The following MMP17 variants were observed in gnomAD, a reference collection of about 807,000 sequenced individuals.
MMP17 encodes the protein matrix metallopeptidase 17.
MMP17 carries 54 observed loss-of-function variants against 49.1 expected under a neutral mutation model. That is an observed-to-expected ratio of 1.10 (90% CI 0.88 to 1.38). The LOEUF (loss-of-function observed/expected upper bound fraction) is 1.38. Ranked by LOEUF, MMP17 falls within the 40% of genes most tolerant of loss-of-function variation. The pLI is 0.00. For missense variants in MMP17, 837 were observed against 853.7 expected (o/e 0.98, Z 0.24); for synonymous variants, 397 against 383.1 (o/e 1.04, Z -0.42).
Position 131,849,885 on chromosome 12 carries a change from G to A in MMP17, c.1288G>A (p.Gly430Ser), listed in dbSNP as rs145624993. ...PVSDFSLPPGGIDAAFSWAHN... is the reference protein window; with the variant it reads ...PVSDFSLPPGSIDAAFSWAHN... ...CTCCGACTTCAGCCTCCCGCCTGGC[G>A]GCATCGACGCTGCCTTCTCCTGGGC... The change falls in exon 9 of 10, where the codon GGC becomes AGC. Residue 430 changes from glycine to serine, a missense_variant. Transcript: ENST00000360564. 981 of 1,614,030 alleles carry A rather than the reference G, an allele frequency of 6.1e-4. 1 individual carries two copies. Among genetic ancestry groups the A allele is most frequent in the Admixed American group, 2.4e-3 (144 of 60,024 alleles).
At chr12:131,839,649 A>G (rs1887281826) in intron 3 of MMP17, among the ~76,000 whole-genome samples, 1 of 151,780 alleles carries the variant, frequency 6.6e-6, no homozygotes, top group Admixed American at 6.6e-5. Flanking sequence ...AATTTTTTGT[A>G]TTTTTACTAG....
At chr12:131,830,156 C>T (rs1463236557) in intron 1 of MMP17, among the ~76,000 whole-genome samples, 1 of 152,262 alleles carries the variant, frequency 6.6e-6, no homozygotes, top group Non-Finnish European at 1.5e-5. Flanking sequence ...GGATGGACCC[C>T]CGGCCGAGCC....
chr12:131,834,183 CG>C (rs1247238451), intron 1 of MMP17, among the ~76,000 whole-genome samples: 2 of 152,182 alleles, frequency 1.3e-5, no homozygotes, highest in African/African-American at 4.8e-5. Context: ...AGCAGGAGAG[CG>C]GCCGCCTCTC....
At position 131,851,204 on chromosome 12, in the gene MMP17, C is replaced by T; in HGVS notation, c.1742C>T (p.Thr581Ile). Residue 581 changes from threonine (T) to isoleucine (I), a missense_variant, in exon 10 of 10, where the codon ACC becomes ATC. Thr to Ile is a moderately conservative substitution (Grantham distance 89). Coordinates refer to ENST00000360564, the MANE Select transcript of MMP17 (RefSeq NM_016155.7). ...PGAPGPLVAA[T>I]MLLLLPPLSP... is the part of the protein sequence containing the mutation. ...GCCCCAGGCCCACTGGTGGCTGCCA[C>T]CATGCTGCTGCTGCTGCCGCCACTG... The T allele has an allele frequency of 1.4e-6, 2 of 1,459,150 alleles. No homozygotes were observed. Among genetic ancestry groups the T allele is most frequent in the Non-Finnish European group, 1.8e-6 (2 of 1,103,356 alleles). The allele number at this position is 1,459,150 out of a possible 1,614,324, so 90.4% of individuals were successfully genotyped here.
In MMP17 at chr12:131,844,886, G is replaced by A. The variant is rs555685358; in HGVS notation, c.969-232G>A. On this transcript the variant is annotated intron_variant, in intron 6 of 9. Coordinates refer to ENST00000360564, the MANE Select transcript of MMP17 (RefSeq NM_016155.7). ...CCACCCCTGAGCTCCTGCCCTCCCC[G>A]CAGCTCCCTGGCGCTCTGTATGCTC... 1.9e-4 allele frequency: 106 copies of A among 543,730 alleles called. 2 individuals are homozygous for A. Among genetic ancestry groups the A allele is most frequent in the South Asian group, 1.4e-3 (65 of 47,544 alleles). 33.7% of individuals were successfully genotyped at this position (543,730 alleles called of 1,614,324 possible).
At chr12:131,831,801 C>A in intron 1 of MMP17, among the ~76,000 whole-genome samples, 1 of 102,328 alleles carries the variant, frequency 9.8e-6, no homozygotes, top group Non-Finnish European at 1.9e-5. Flanking sequence ...GGTTCAGGGA[C>A]AGGAAGGGGG....
At chr12:131,836,753 G>A (rs1260225144) in intron 1 of MMP17, among the ~76,000 whole-genome samples, 3 of 152,044 alleles carry the variant, frequency 2.0e-5, no homozygotes, top group Non-Finnish European at 4.4e-5. Context: ...TCTGGAGCCC[G>A]CCTCACCCCT....
Position 131,845,222 on chromosome 12 carries a change from C to T in MMP17, c.1051+22C>T, listed in dbSNP as rs373857133. Reference sequence around the variant, plus strand: ...AAAGGTACCTCCAGGGTTCCCGTGGCGGTTGGCTGAGGGCCATGGCCCACT... The same window carrying T: ...AAAGGTACCTCCAGGGTTCCCGTGGTGGTTGGCTGAGGGCCATGGCCCACT... On this transcript the variant is annotated intron_variant, in intron 7 of 9. Coordinates refer to ENST00000360564, the MANE Select transcript of MMP17 (RefSeq NM_016155.7). 2.9e-5 allele frequency: 46 copies of T among 1,613,898 alleles called. No individual in the cohort carries two copies. In the Middle Eastern group the frequency reaches 4.9e-4, roughly 17 times the overall value.
chr12:131,849,701 C>A, intron 8 of MMP17, 101 bp from the exon 9 acceptor site: 1 of 1,396,924 alleles, frequency 7.2e-7, no homozygotes, highest in Non-Finnish European at 9.8e-7. Flanking sequence ...AGGTGAGGGG[C>A]CAGGGCAAGG....
intron 1 of MMP17, among the ~76,000 whole-genome samples, chr12:131,834,559 GC>G (rs1349351772): frequency 6.6e-6 from 1 of 152,050 alleles, no homozygotes; most frequent in African/African-American, 2.4e-5. Flanking sequence ...GGGAGTCTGG[GC>G]CCCCACCCCA....
Position 131,828,502 on chromosome 12 carries a change from G to A in MMP17, c.8G>A (p.Arg3His), listed in dbSNP as rs1471314790. The A allele has an allele frequency of 5.0e-6, 5 of 993,558 alleles. No homozygotes were observed. Among genetic ancestry groups the A allele is most frequent in the Non-Finnish European group, 6.0e-6 (5 of 836,506 alleles). 61.5% of individuals were successfully genotyped at this position (993,558 alleles called of 1,614,324 possible). A position where few individuals can be genotyped will look rare whatever the true frequency, so the allele number is the denominator to read the frequency against. ...CGGGCCCATGTGAGCGCCATGCGGC[G>A]CCGCGCAGCCCGGGGACCCGGCCCG... The part of the protein sequence containing the change: MR[R>H]RAARGPGPPP... The change falls in exon 1 of 10, where the codon CGC (arginine) becomes CAC (histidine). Residue 3 changes from arginine to histidine, a missense_variant. Arg to His is a conservative substitution (Grantham distance 29). Coordinates refer to ENST00000360564, the MANE Select transcript of MMP17 (RefSeq NM_016155.7).
intron 5 of MMP17, 81 bp downstream of exon 5, chr12:131,841,881 C>A (rs12322870): frequency 0.025 from 35,708 of 1,428,856 alleles, 2,114 homozygotes; most frequent in African/African-American, 0.23. Flanking sequence ...AGAGCCCCCC[C>A]GGGAGGGTTT....
rs368084224 is a variant in MMP17, at chr12:131,840,869, C to A, written c.706+13C>A. 391 of 1,579,338 alleles carry A rather than the reference C, an allele frequency of 2.5e-4. 2 individuals carry two copies. Among genetic ancestry groups the A allele is most frequent in the South Asian group, 1.9e-3 (170 of 87,736 alleles). ...TTCCGCTCCTCGGGTGCGTCTGGGG[C>A]AGCCCTCAGGGCAGAGTCAGGAGCC... On this transcript the variant is annotated intron_variant, in intron 4 of 9. Coordinates refer to ENST00000360564, the MANE Select transcript of MMP17 (RefSeq NM_016155.7).
At chr12:131,842,091 T>C (rs1468398072) in intron 5 of MMP17, among the ~76,000 whole-genome samples, 1 of 152,254 alleles carries the variant, frequency 6.6e-6, no homozygotes, top group African/African-American at 2.4e-5. Flanking sequence ...TTAAATCATC[T>C]GATCTTTGTG....
At chr12:131,838,422 T>C (rs893264079) in intron 2 of MMP17, 95 bp downstream of exon 2, 43 of 1,507,928 alleles carry the variant, frequency 2.9e-5, no homozygotes, top group Non-Finnish European at 3.5e-5. Flanking sequence ...TCCCGTCTTA[T>C]GCTTGAATGA....
At chr12:131,838,128 G>C (rs1299022973) in intron 1 of MMP17, 67 bp from the exon 2 acceptor site, 1 of 1,516,244 alleles carries the variant, frequency 6.6e-7, no homozygotes, top group African/African-American at 1.4e-5. Context: ...GGTGGCCCGT[G>C]GCAGGCTTCT....
rs1286321498 is a variant in MMP17, at chr12:131,851,633, G to A, written c.*359G>A. ...ACCAACCCCACCCACACTGCTGCCT[G>A]GTGCTCCCGCCGGCCCACAGGGCCT... On this transcript the variant is annotated 3_prime_UTR_variant, in exon 10 of 10. Coordinates refer to ENST00000360564, the MANE Select transcript of MMP17 (RefSeq NM_016155.7). The A allele has an allele frequency of 1.7e-5, 4 of 239,634 alleles. No individual in the cohort carries two copies. Among genetic ancestry groups the A allele is most frequent in the Non-Finnish European group, 3.2e-5 (4 of 124,286 alleles). 14.8% of individuals were successfully genotyped at this position (239,634 alleles called of 1,614,324 possible).
At chr12:131,840,296 T>G in intron 3 of MMP17, 1 of 423,952 alleles carries the variant, frequency 2.4e-6, no homozygotes, top group Non-Finnish European at 4.3e-6. Context: ...TTGAGGGCCC[T>G]GGGGCTGATG....
chr12:131,843,764 G>A (rs1172104976), intron 5 of MMP17, among the ~76,000 whole-genome samples: 1 of 152,216 alleles, frequency 6.6e-6, no homozygotes, highest in Non-Finnish European at 1.5e-5. Context: ...TGTACCCCGG[G>A]GTGGAATTGC....
Sources: allele counts gnomAD v4.1 joint callset (sites outside exome capture counted in the v4.1 genomes callset), GRCh38; gene constraint gnomAD v4.1.1; transcripts MANE v1.5; gene names NCBI Gene and HGNC (gene_info 2026-07-23, HGNC 2026-07-21).